Variants in DHRSX observed in about 807,000 individuals in gnomAD.
DHRSX encodes dehydrogenase/reductase X-linked.
DHRSX carries 31 observed loss-of-function variants against 34.0 expected under a neutral mutation model. That is an observed-to-expected ratio of 0.91 (90% CI 0.69 to 1.23). The LOEUF is 1.23. Among genes scored for constraint, DHRSX ranks in the 50% most tolerant of loss-of-function variants. The pLI is 0.00. For synonymous variants in DHRSX, 201 were observed against 183.8 expected (o/e 1.09, Z -0.76); for missense variants, 414 against 428.1 (o/e 0.97, Z 0.29).
At chrX:2,474,868 T>G (rs185632696) in intron 1 of DHRSX, among the ~76,000 whole-genome samples, 30,757 of 137,148 alleles carry the variant, frequency 0.22, 4,175 homozygotes, top group African/African-American at 0.42. Context: ...TGTACACACT[T>G]AAGACGTTCC....
intron 2 of DHRSX, among the ~76,000 whole-genome samples, chrX:2,409,322 T>G (rs35126528): frequency 6.6e-6 from 1 of 151,938 alleles, no homozygotes; most frequent in Non-Finnish European, 1.5e-5. Context: ...ATGTGCGGAA[T>G]GTGCAGGTTG....
intron 3 of DHRSX, among the ~76,000 whole-genome samples, chrX:2,347,907 G>A (rs2042740830): frequency 6.6e-6 from 1 of 152,136 alleles, no homozygotes; most frequent in South Asian, 2.1e-4. Flanking sequence ...CACCCTGCTC[G>A]TGGACAATCA....
chrX:2,465,677 C>A (rs966158858), intron 1 of DHRSX, among the ~76,000 whole-genome samples: 9 of 151,712 alleles, frequency 5.9e-5, no homozygotes, highest in African/African-American at 1.9e-4. Flanking sequence ...GGTGTAGGGG[C>A]AGGCACTTAC....
At chrX:2,311,158 C>T (rs1329060480) in intron 3 of DHRSX, among the ~76,000 whole-genome samples, 1 of 149,906 alleles carries the variant, frequency 6.7e-6, no homozygotes, top group African/African-American at 2.5e-5. Flanking sequence ...AGGAGAGACA[C>T]AGAGAAAGTG....
chrX:2,411,345 T>C (rs1383435233), intron 2 of DHRSX, among the ~76,000 whole-genome samples: 1 of 151,774 alleles, frequency 6.6e-6, no homozygotes, highest in Non-Finnish European at 1.5e-5. Flanking sequence ...GGTCAGGAGT[T>C]CAAGACCAGC....
intron 3 of DHRSX, among the ~76,000 whole-genome samples, chrX:2,328,600 T>C (rs779671158): frequency 6.6e-6 from 1 of 151,544 alleles, no homozygotes; most frequent in East Asian, 2.0e-4. Flanking sequence ...GGCGACCCTA[T>C]GAGGACACAG....
intron 5 of DHRSX, among the ~76,000 whole-genome samples, chrX:2,246,251 T>A (rs1350878886): frequency 3.3e-5 from 5 of 152,098 alleles, no homozygotes; most frequent in Non-Finnish European, 7.4e-5. Context: ...AAGAAAGACA[T>A]CCGTCATCAT....
rs1489595974 is a variant in DHRSX at position 2,243,024 on chromosome X, T to C, written c.803A>G (p.Lys268Arg). The C allele has an allele frequency of 9.9e-6, 16 of 1,613,190 alleles. No homozygotes were observed. The South Asian group carries it at 1.5e-4, about 16-fold the overall frequency. ...ATCAGAGAAGCAGAAGGGGCTTACC[T>C]TGAAAAGCAACCAGCCGAGAAGCTT... ...AKKLLGWLLF[K>R]TPDEGAWTSI... The change falls in exon 6 of 7, where the codon AAG becomes AGG. Residue 268 changes from lysine (K) to arginine (R), a missense_variant and splice_region_variant. Physicochemically the swap from Lys to Arg is conservative, Grantham distance 26 (BLOSUM62 2). Coordinates refer to ENST00000334651, the MANE Select transcript of DHRSX (RefSeq NM_145177.3).
chrX:2,436,461 A>ATACTAT (rs1377557443), intron 1 of DHRSX, among the ~76,000 whole-genome samples: 4 of 129,276 alleles, frequency 3.1e-5, no homozygotes, highest in Non-Finnish European at 4.8e-5. Flanking sequence ...TTGCAGCAAC[A>ATACTAT]TATTATTATT....
chrX:2,352,077 T>C lies in DHRSX; in HGVS notation c.286+56668A>G, dbSNP rs73189677. The stretch of plus-strand genomic sequence containing the variant: ...CATTTTTGCCCCCTAAAAGCACCAT[T>C]GGACAACCACAATCCCAGGCCTGAT... On this transcript the variant is annotated intron_variant, in intron 3 of 6. Coordinates refer to ENST00000334651, the MANE Select transcript of DHRSX (RefSeq NM_145177.3). Among the ~76,000 whole-genome samples the C allele has an allele frequency of 6.8e-3, 1,041 of 152,154 alleles. 5 individuals are homozygous for C. The highest frequency in any genetic ancestry group is 0.012 in the Non-Finnish European group (818 of 68,008).
chrX:2,359,032 A>G (rs1341156438), intron 3 of DHRSX, among the ~76,000 whole-genome samples: 2 of 152,120 alleles, frequency 1.3e-5, no homozygotes, highest in Non-Finnish European at 2.9e-5. Context: ...GAGACACGCA[A>G]ATCAAAACCA....
chrX:2,254,810 C>A (rs1021749583), intron 5 of DHRSX, among the ~76,000 whole-genome samples: 3 of 151,834 alleles, frequency 2.0e-5, no homozygotes, highest in Non-Finnish European at 4.4e-5. Flanking sequence ...CCACACTCAG[C>A]TAATTTTGGT....
At chrX:2,382,365 T>C (rs1401835863) in intron 3 of DHRSX, among the ~76,000 whole-genome samples, 2 of 152,042 alleles carry the variant, frequency 1.3e-5, no homozygotes, top group African/African-American at 2.4e-5. Flanking sequence ...AGTCCACAGA[T>C]AGTCAAGTAG....
At chrX:2,243,814 T>TTGTTTTG (rs1569478916) in intron 5 of DHRSX, among the ~76,000 whole-genome samples, 6 of 118,202 alleles carry the variant, frequency 5.1e-5, no homozygotes, top group Non-Finnish European at 9.9e-5. Context: ...TTTTTTTTTT[T>TTGTTTTG]TTTTTTTTGA....
intron 3 of DHRSX, among the ~76,000 whole-genome samples, chrX:2,329,613 C>T (rs2042432204): frequency 6.6e-6 from 1 of 152,086 alleles, no homozygotes. Flanking sequence ...CATGGATGGT[C>T]CCTCATGGCT....
At chrX:2,348,998 G>T (rs2042754120) in intron 3 of DHRSX, among the ~76,000 whole-genome samples, 1 of 151,926 alleles carries the variant, frequency 6.6e-6, no homozygotes, top group African/African-American at 2.4e-5. Flanking sequence ...CCGGCTGTGG[G>T]TCTCTTTTTG....
intron 5 of DHRSX, among the ~76,000 whole-genome samples, chrX:2,257,580 T>C (rs1438805361): frequency 1.3e-5 from 2 of 152,142 alleles, no homozygotes; most frequent in African/African-American, 4.8e-5. Flanking sequence ...AAGTTCTAAC[T>C]CTGAGGAACT....
At chrX:2,334,827 A>C (rs1330945839) in intron 3 of DHRSX, 1 of 152,164 alleles carries the variant, frequency 6.6e-6, no homozygotes, top group Admixed American at 6.6e-5. Flanking sequence ...AATTGTATAT[A>C]TTTGCAGGCC....
chrX:2,477,095 G>T (rs1159670334), intron 1 of DHRSX, among the ~76,000 whole-genome samples: 1 of 152,166 alleles, frequency 6.6e-6, no homozygotes, highest in East Asian at 1.9e-4. Context: ...TATTAGGGTA[G>T]TGTCTTAGGA....
Sources: allele counts gnomAD v4.1 joint callset (sites outside exome capture counted in the v4.1 genomes callset), GRCh38; gene constraint gnomAD v4.1.1; transcripts MANE v1.5; gene names NCBI Gene and HGNC (gene_info 2026-07-23, HGNC 2026-07-21).